TAX1BP1: variants seen among roughly 807,000 people sequenced by gnomAD.
TAX1BP1 encodes the protein tax1-binding protein 1.
In TAX1BP1, 62 loss-of-function variants were observed where a neutral mutation model predicts 97.7. The ratio of observed to expected loss-of-function variants is 0.63; its 90% CI spans 0.52 to 0.78. The LOEUF (loss-of-function observed/expected upper bound fraction) is 0.78, where lower values mean the gene tolerates loss of function less well. Among genes scored for constraint, TAX1BP1 ranks in the 30% least tolerant of loss-of-function variants. TAX1BP1 has a pLI of 0.00. For synonymous variants in TAX1BP1, 340 were observed against 304.2 expected (o/e 1.12, Z -1.23); for missense variants, 867 against 916.1 (o/e 0.95, Z 0.69).
intron 13 of TAX1BP1, chr7:27,803,216 A>T: frequency 6.9e-7 from 1 of 1,455,458 alleles, no homozygotes; most frequent in Non-Finnish European, 9.2e-7. Flanking sequence ...TGTGTATCAC[A>T]TGAAACTGAA....
intron 2 of TAX1BP1, among the ~76,000 whole-genome samples, chr7:27,748,998 A>G (rs1398127008): frequency 2.6e-5 from 4 of 152,160 alleles, no homozygotes; most frequent in Non-Finnish European, 5.9e-5. Flanking sequence ...GGGTTCTTAT[A>G]TTATTTACCA....
intron 16 of TAX1BP1, among the ~76,000 whole-genome samples, chr7:27,828,331 G>A (rs144697042): frequency 6.6e-6 from 1 of 152,174 alleles, no homozygotes; most frequent in African/African-American, 2.4e-5. Context: ...GTTAAACGTG[G>A]AAGAATTCTT....
At chr7:27,807,878 G>A (rs1029169447) in intron 13 of TAX1BP1, among the ~76,000 whole-genome samples, 9 of 151,890 alleles carry the variant, frequency 5.9e-5, no homozygotes, top group Non-Finnish European at 1.2e-4. Flanking sequence ...ATGGATTCCC[G>A]TTTTAGTCAA....
chr7:27,779,875 G>A (rs1789186759), intron 5 of TAX1BP1, among the ~76,000 whole-genome samples: 1 of 152,154 alleles, frequency 6.6e-6, no homozygotes, highest in African/African-American at 2.4e-5. Context: ...GACATATCCT[G>A]GTTTCAGCTG....
rs141599337 is a variant in TAX1BP1, at chr7:27,789,015, T to C, written c.1038+1412T>C. On this transcript the variant is annotated intron_variant, in intron 8 of 16. Coordinates refer to ENST00000396319, the MANE Select transcript of TAX1BP1 (RefSeq NM_006024.7). ...TATTTATATCTCTCTTCTCGCAATG[T>C]GAGAACTCTTGTTTCCCAAACATCA... Among the ~76,000 whole-genome samples the C allele has an allele frequency of 9.8e-3, 1,492 of 152,152 alleles. 17 individuals carry two copies. The highest frequency in any genetic ancestry group is 0.016 in the Non-Finnish European group (1,092 of 67,874).
chr7:27,798,295 A>G lies in TAX1BP1; in HGVS notation c.1639-1670A>G, dbSNP rs182116786. Reference sequence around the variant, plus strand: ...TTGTTTAGAAGTTGTTTATGGACATATGTTTTTTTTTGTTTCTTTTGGGTA... The same window carrying G: ...TTGTTTAGAAGTTGTTTATGGACATGTGTTTTTTTTTGTTTCTTTTGGGTA... On this transcript the variant is annotated intron_variant, in intron 12 of 16. Coordinates refer to ENST00000396319, the MANE Select transcript of TAX1BP1 (RefSeq NM_006024.7). 7.9e-5 allele frequency among the ~76,000 whole-genome samples: 12 copies of G among 152,060 alleles called. No homozygotes were observed. In the East Asian group the frequency reaches 2.3e-3, roughly 29 times the overall value.
chr7:27,772,241 T>G, intron 5 of TAX1BP1: 1 of 151,960 alleles, frequency 6.6e-6, no homozygotes, highest in East Asian at 1.9e-4. Flanking sequence ...AACTCCAGAC[T>G]TTCAAACTGG....
intron 2 of TAX1BP1, among the ~76,000 whole-genome samples, chr7:27,749,248 T>C (rs2128307425): frequency 6.6e-6 from 1 of 152,346 alleles, no homozygotes; most frequent in Middle Eastern, 3.4e-3. Flanking sequence ...TTCTTGAAAA[T>C]GAAGGTGATC....
intron 12 of TAX1BP1, 109 bp downstream of exon 12, chr7:27,796,328 A>G: frequency 1.1e-6 from 1 of 930,274 alleles, no homozygotes; most frequent in East Asian, 2.7e-5. Flanking sequence ...CCATCTCCAT[A>G]TAGTGTTACT....
At chr7:27,796,812 G>A (rs564129354) in intron 12 of TAX1BP1, among the ~76,000 whole-genome samples, 6 of 151,820 alleles carry the variant, frequency 4.0e-5, no homozygotes, top group African/African-American at 1.2e-4. Context: ...AGTGAGCCGA[G>A]TTTGCACACT....
In TAX1BP1 at chr7:27,785,262, A is replaced by G. The variant is rs754294097; in HGVS notation, c.712A>G (p.Ile238Val). ...CAAAGCCCATCAGCTTGAGGAAGAT[A>G]TTGTGTCAGTAACACATAAAGCAAT... Reference protein sequence around the residue: ...TSKAHQLEEDIVSVTHKAIEK... With the variant: ...TSKAHQLEEDVVSVTHKAIEK... Residue 238 changes from isoleucine (I) to valine (V), a missense_variant, in exon 6 of 17, where the codon ATT becomes GTT. Ile to Val is a conservative substitution (Grantham distance 29, BLOSUM62 3). Coordinates refer to ENST00000396319, the MANE Select transcript of TAX1BP1 (RefSeq NM_006024.7). 1.2e-6 allele frequency: 2 copies of G among 1,613,348 alleles called. No homozygotes were observed. The highest frequency in any genetic ancestry group is 2.7e-5 in the African/African-American group (2 of 74,924).
chr7:27,776,478 C>A lies in TAX1BP1; in HGVS notation c.612+6644C>A, dbSNP rs554348585. Among the ~76,000 whole-genome samples, 34 of 152,040 alleles carry A rather than the reference C, an allele frequency of 2.2e-4. 1 individual carries two copies. In the Middle Eastern group the frequency reaches 0.01, roughly 46 times the overall value. ...TATTTTAGAAATGTGGTTCTTCTCA[C>A]GTTTATTGTTTTTGATGAGAAATTC... On this transcript the variant is annotated intron_variant, in intron 5 of 16. Transcript: ENST00000396319.
intron 13 of TAX1BP1, among the ~76,000 whole-genome samples, chr7:27,814,299 ACAGG>A (rs1790679329): frequency 6.6e-6 from 1 of 152,140 alleles, no homozygotes; most frequent in Non-Finnish European, 1.5e-5. Context: ...CCCTGGAGTT[ACAGG>A]CATAAGCCAT....
At chr7:27,763,151 A>T (rs1479579450) in intron 3 of TAX1BP1, among the ~76,000 whole-genome samples, 3 of 152,224 alleles carry the variant, frequency 2.0e-5, no homozygotes, top group African/African-American at 4.8e-5. Context: ...GCATAATGCA[A>T]ATCACTTTGC....
At chr7:27,762,939 T>G in intron 3 of TAX1BP1, among the ~76,000 whole-genome samples, 1 of 152,244 alleles carries the variant, frequency 6.6e-6, no homozygotes, top group Middle Eastern at 3.4e-3. Context: ...GGCGACAGAG[T>G]GAGAACCTGT....
intron 7 of TAX1BP1, among the ~76,000 whole-genome samples, chr7:27,786,554 A>T (rs1452826639): frequency 1.3e-5 from 2 of 152,154 alleles, no homozygotes; most frequent in African/African-American, 4.8e-5. Context: ...GCAATTCCAG[A>T]TGAGGAATTT....
chr7:27,780,774 G>T (rs1013418874), intron 5 of TAX1BP1, among the ~76,000 whole-genome samples: 1 of 151,804 alleles, frequency 6.6e-6, no homozygotes, highest in African/African-American at 2.4e-5. Flanking sequence ...CTTTAATTTT[G>T]TACCTGCTTT....
In TAX1BP1 at chr7:27,816,890, A is replaced by T; in HGVS notation, c.1937A>T (p.Asp646Val). 1 of 1,613,712 alleles carries T rather than the reference A, an allele frequency of 6.2e-7. No homozygotes were observed. The highest frequency in any genetic ancestry group is 8.5e-7 in the Non-Finnish European group (1 of 1,179,926). Residue 646 changes from aspartate (D) to valine (V), a missense_variant and splice_region_variant, in exon 15 of 17, where the codon GAT (aspartate) becomes GTT (valine). By Grantham distance (152) the Asp-to-Val change is radical. Coordinates refer to ENST00000396319, the MANE Select transcript of TAX1BP1 (RefSeq NM_006024.7). Reference protein sequence around the residue: ...GNPYASQETRDGADGAFYPDE... With the variant: ...GNPYASQETRVGADGAFYPDE... ...TACCTTTCCAAAAATTTTATTACAGATGGAGCAGATGGTGCTTTTTACCCA... is the reference window on the plus strand; with the variant it reads ...TACCTTTCCAAAAATTTTATTACAGTTGGAGCAGATGGTGCTTTTTACCCA...
At chr7:27,769,329 A>G (rs1788758146) in intron 4 of TAX1BP1, among the ~76,000 whole-genome samples, 4 of 151,988 alleles carry the variant, frequency 2.6e-5, no homozygotes, top group African/African-American at 2.4e-5. Context: ...CTCTTGGAGT[A>G]TCTGATTATT....
Sources: allele counts gnomAD v4.1 joint callset (sites outside exome capture counted in the v4.1 genomes callset), GRCh38; gene constraint gnomAD v4.1.1; transcripts MANE v1.5; gene names NCBI Gene and HGNC (gene_info 2026-07-23, HGNC 2026-07-21).